The following FPR3 variants were observed in gnomAD, a reference collection of about 807,000 sequenced individuals.
FPR3 encodes N-formyl peptide receptor 3.
For synonymous variants in FPR3, 135 were observed against 163.6 expected, an observed-to-expected ratio of 0.83 and a Z score of 1.34; for missense variants, 346 against 443.2, an observed-to-expected ratio of 0.78 and a Z score of 1.97.
At chr19:51,816,064 TAA>T (rs200656360) in intron 1 of FPR3, among the ~76,000 whole-genome samples, 21,146 of 139,038 alleles carry the variant, frequency 0.15, 1,648 homozygotes, top group Admixed American at 0.22. Context: ...GAGATCCTAT[TAA>T]AAAAAAAAAA....
In FPR3 at chr19:51,823,823, G is replaced by A; in HGVS notation, c.75G>A (p.Leu25=). Residue 25 remains leucine (L), a synonymous_variant, in exon 2 of 2, where the codon CTG becomes CTA. Transcript: ENST00000339223. ...CTGAGCCTGCTGGCCACACCGTTCT[G>A]TGGATCTTCTCATTGCTAGTCCACG... is the stretch of plus-strand genomic sequence containing the variant. ...VLPEPAGHTV[L]WIFSLLVHGV... 6.2e-7 allele frequency: 1 copy of A among 1,614,016 alleles called. No individual in the cohort carries two copies. The highest frequency in any genetic ancestry group is 8.5e-7 in the Non-Finnish European group (1 of 1,179,956).
chr19:51,809,747 A>G (rs2122440476), intron 1 of FPR3, among the ~76,000 whole-genome samples: 1 of 152,246 alleles, frequency 6.6e-6, no homozygotes, highest in Admixed American at 6.5e-5. Context: ...GGGAACTTTG[A>G]TGGGTTTGTC....
At chr19:51,815,163 G>A (rs2084126148) in intron 1 of FPR3, among the ~76,000 whole-genome samples, 2 of 152,102 alleles carry the variant, frequency 1.3e-5, no homozygotes, top group Admixed American at 1.3e-4. Flanking sequence ...ATAGGCTCAG[G>A]TTAGGGCTGA....
At chr19:51,797,578 A>G (rs2084007250) in intron 1 of FPR3, among the ~76,000 whole-genome samples, 2 of 152,222 alleles carry the variant, frequency 1.3e-5, no homozygotes, top group Non-Finnish European at 2.9e-5. Context: ...ATTAAAACTA[A>G]CATTAATCAA....
rs1161063712 is a variant in FPR3 at position 51,822,963 on chromosome 19, A to C, written c.-10-776A>C. Among the ~76,000 whole-genome samples the C allele has an allele frequency of 2.6e-5, 4 of 152,114 alleles. No individual in the cohort carries two copies. The East Asian group carries it at 7.7e-4, about 29-fold the overall frequency. ...CTGCAACCTCTGCCTCCCAGGTTCA[A>C]GCAATTCTCCTGCCTCAGCCTCCTA... is the stretch of plus-strand genomic sequence containing the variant. On this transcript the variant is annotated intron_variant, in intron 1 of 1. Transcript: ENST00000339223.
intron 1 of FPR3, among the ~76,000 whole-genome samples, chr19:51,798,495 G>T (rs1281585908): frequency 6.6e-6 from 1 of 152,156 alleles, no homozygotes; most frequent in South Asian, 2.1e-4. Flanking sequence ...AGAAGGAAAT[G>T]AGTAAAAGAA....
chr19:51,817,139 A>G (rs2084142871), intron 1 of FPR3, among the ~76,000 whole-genome samples: 1 of 152,146 alleles, frequency 6.6e-6, no homozygotes, highest in Non-Finnish European at 1.5e-5. Flanking sequence ...GACATCTCCA[A>G]GGTGTCTTCT....
At position 51,824,918 on chromosome 19, in the gene FPR3, T is replaced by C. The variant is rs1029867224; in HGVS notation, c.*108T>C. 1 of 871,308 alleles carries C rather than the reference T, an allele frequency of 1.1e-6. No homozygotes were observed. 54.0% of individuals were successfully genotyped at this position (871,308 alleles called of 1,614,324 possible). On this transcript the variant is annotated 3_prime_UTR_variant, in exon 2 of 2. Transcript: ENST00000339223. The surrounding 1 kb of genome is among the most constrained non-coding windows in gnomAD (Gnocchi z 4.7). ...TTTCATACCACCACCACCACAATCATCAACATAAAGGAAGTCTGTACCAAA... is the reference window on the plus strand; with the variant it reads ...TTTCATACCACCACCACCACAATCACCAACATAAAGGAAGTCTGTACCAAA...
Position 51,824,512 on chromosome 19 carries a change from T to C in FPR3, c.764T>C (p.Phe255Ser), listed in dbSNP as rs1441916312. ...GTGGCTTCTTTCTTCATCTGTTGGT[T>C]CCCTTATGAACTAATTGGCATTCTA... ...AVVASFFICWFPYELIGILMA... is the reference protein window; with the variant it reads ...AVVASFFICWSPYELIGILMA... The change falls in exon 2 of 2, where the codon TTC (phenylalanine) becomes TCC (serine). Residue 255 changes from phenylalanine (F) to serine (S), a missense_variant. Transcript: ENST00000339223. The surrounding 1 kb of genome is among the most constrained non-coding windows in gnomAD (Gnocchi z 4.7). The C allele has an allele frequency of 1.2e-6, 2 of 1,614,066 alleles. No homozygotes were observed. Among genetic ancestry groups the C allele is most frequent in the South Asian group, 2.2e-5 (2 of 91,076 alleles).
At chr19:51,814,748 C>T (rs948253230) in intron 1 of FPR3, among the ~76,000 whole-genome samples, 6 of 152,150 alleles carry the variant, frequency 3.9e-5, no homozygotes, top group Non-Finnish European at 8.8e-5. Flanking sequence ...CCACCTCGGC[C>T]TCCCAAAGTG....
In FPR3 at chr19:51,824,118, T is replaced by C; in HGVS notation, c.370T>C (p.Cys124Arg). Residue 124 changes from cysteine (C) to arginine (R), a missense_variant, in exon 2 of 2, where the codon TGT becomes CGT. Cys to Arg is a radical substitution (Grantham distance 180). Coordinates refer to ENST00000339223, the MANE Select transcript of FPR3 (RefSeq NM_002030.5). The surrounding 1 kb of genome is among the most constrained non-coding windows in gnomAD (Gnocchi z 4.7). ...YLITIIALDR[C>R]ICVLHPAWAQ... The stretch of plus-strand genomic sequence containing the variant: ...GATCACCATCATTGCTCTGGACCGC[T>C]GTATTTGTGTCCTGCATCCAGCCTG... 1 of 1,614,044 alleles carries C rather than the reference T, an allele frequency of 6.2e-7. No homozygotes were observed. Among genetic ancestry groups the C allele is most frequent in the Non-Finnish European group, 8.5e-7 (1 of 1,179,942 alleles).
intron 1 of FPR3, chr19:51,804,914 G>T (rs546610496): frequency 2.0e-5 from 3 of 152,260 alleles, no homozygotes; most frequent in East Asian, 1.9e-4. Flanking sequence ...TAGTGAGAAG[G>T]GGGGTGGAAG....
At chr19:51,818,892 T>A (rs1670839238) in intron 1 of FPR3, among the ~76,000 whole-genome samples, 1 of 152,206 alleles carries the variant, frequency 6.6e-6, no homozygotes, top group African/African-American at 2.4e-5. Context: ...TTTTTCCTTT[T>A]GAAATATAAT....
rs1257247530 is a variant in FPR3 at position 51,823,838 on chromosome 19, G to C, written c.90G>C (p.Leu30Phe). Residue 30 changes from leucine to phenylalanine, a missense_variant, in exon 2 of 2, where the codon TTG (leucine) becomes TTC (phenylalanine). Leu to Phe is a conservative substitution (Grantham distance 22, BLOSUM62 0). Transcript: ENST00000339223. Reference protein sequence around the residue: ...AGHTVLWIFSLLVHGVTFVFG... With the variant: ...AGHTVLWIFSFLVHGVTFVFG... ...ACACCGTTCTGTGGATCTTCTCATT[G>C]CTAGTCCACGGAGTCACCTTTGTCT... 6.2e-7 allele frequency: 1 copy of C among 1,613,976 alleles called. No homozygotes were observed. Among genetic ancestry groups the C allele is most frequent in the Admixed American group, 1.7e-5 (1 of 60,004 alleles).
Position 51,795,504 on chromosome 19 carries a change from C to CTTTTTTTTTTTTTTTTTTTTTTTTTTT in FPR3, c.-11+176_-11+202dup, listed in dbSNP as rs58620565. Among the ~76,000 whole-genome samples, 7 of 74,742 alleles carry CTTTTTTTTTTTTTTTTTTTTTTTTTTT rather than the reference C, an allele frequency of 9.4e-5. 1 individual carries two copies. The highest frequency in any genetic ancestry group is 1.6e-4 in the Admixed American group (1 of 6,246). 49.0% of individuals were successfully genotyped at this position (74,742 alleles called of 152,430 possible). ...TTTGGTTACATGTTCCAGTAACATT[C>CTTTTTTTTTTTTTTTTTTTTTTTTTTT]TTTTTTTTTTTTTTTTTTTTTTTTT... On this transcript the variant is annotated intron_variant, in intron 1 of 1. Transcript: ENST00000339223.
At chr19:51,805,323 T>C (rs1298976535) in intron 1 of FPR3, 4 of 152,354 alleles carry the variant, frequency 2.6e-5, no homozygotes, top group East Asian at 1.9e-4. Context: ...ACTGTGGTAC[T>C]TTAGATAGGT....
chr19:51,821,942 T>C (rs1216412580), intron 1 of FPR3, among the ~76,000 whole-genome samples: 1 of 152,208 alleles, frequency 6.6e-6, no homozygotes, highest in South Asian at 2.1e-4. Flanking sequence ...AGGAAGAGTC[T>C]CTAATTTTCC....
Position 51,807,973 on chromosome 19 carries a change from A to G in FPR3, c.-11+12642A>G, listed in dbSNP as rs566828776. Among the ~76,000 whole-genome samples, 3 of 152,364 alleles carry G rather than the reference A, an allele frequency of 2.0e-5. No individual in the cohort carries two copies. The South Asian group carries it at 6.2e-4, about 32-fold the overall frequency. ...AACCATTCTATTACTGTTACAGACT[A>G]GTCTATAAACTGGCCCAAAAGTCCT... On this transcript the variant is annotated intron_variant, in intron 1 of 1. Transcript: ENST00000339223.
rs57950906 is a variant in FPR3 at position 51,816,452 on chromosome 19, T to C, written c.-10-7287T>C. Among the ~76,000 whole-genome samples, 1,079 of 152,314 alleles carry C rather than the reference T, an allele frequency of 7.1e-3. 52 individuals carry two copies. In the East Asian group the frequency reaches 0.12, roughly 17 times the overall value. On this transcript the variant is annotated intron_variant, in intron 1 of 1. Coordinates refer to ENST00000339223, the MANE Select transcript of FPR3 (RefSeq NM_002030.5). ...TAGTAGAGACAAGGTTTTGCCACAT[T>C]GGCCAGACTGGTCTCCAAATCCTGG...
Sources: gnomAD v4.1 joint callset for allele counts (sites outside exome capture counted in the v4.1 genomes callset) on GRCh38, gnomAD v4.1.1 for gene constraint, Gnocchi (gnomAD v3.1) non-coding constraint, MANE v1.5 for transcripts, NCBI Gene and HGNC (gene_info 2026-07-23, HGNC 2026-07-21) for gene names.